The following VCP variants were observed in gnomAD, a reference collection of about 807,000 sequenced individuals.
The protein encoded by VCP is transitional endoplasmic reticulum ATPase.
Under a neutral mutation model 85.7 loss-of-function variants are expected in VCP, and 6 were observed. The ratio of observed to expected loss-of-function variants is 0.07; its 90% CI spans 0.04 to 0.14. The LOEUF (loss-of-function observed/expected upper bound fraction) is 0.14. Among genes scored for constraint, VCP ranks in the 10% least tolerant of loss-of-function variants. VCP has a pLI of 1.00. For missense variants in VCP, 353 were observed against 1,043.4 expected (o/e 0.34, Z 9.12); for synonymous variants, 384 against 367.1 (o/e 1.05, Z -0.53).
chr9:35,062,369 G>C lies in VCP; in HGVS notation c.812-19C>G, dbSNP rs1181963805. Reference sequence around the variant, plus strand: ...TCAGGACCTGAAAGGATACAGAATGGAGACAATAACAAAATGATAGTCTTT... The same window carrying C: ...TCAGGACCTGAAAGGATACAGAATGCAGACAATAACAAAATGATAGTCTTT... On this transcript the variant is annotated intron_variant, in intron 7 of 16. Transcript: ENST00000358901. 4 of 1,613,914 alleles carry C rather than the reference G, an allele frequency of 2.5e-6. No individual in the cohort carries two copies. The highest frequency in any genetic ancestry group is 3.4e-6 in the Non-Finnish European group (4 of 1,180,040).
intron 15 of VCP, 30 bp from the exon 16 acceptor site, chr9:35,057,560 C>T (rs1828635451): frequency 6.2e-7 from 1 of 1,603,174 alleles, no homozygotes; most frequent in African/African-American, 1.3e-5. Context: ...ATCACTAGGG[C>T]TAGTTAAAGC....
rs754268174 is a variant in VCP at position 35,059,501 on chromosome 9, C to T, written c.1996G>A (p.Val666Ile). 1.5e-5 allele frequency: 25 copies of T among 1,613,898 alleles called. No homozygotes were observed. The highest frequency in any genetic ancestry group is 1.4e-5 in the Non-Finnish European group (16 of 1,180,048). The change falls in exon 14 of 17, where the codon GTT becomes ATT. Residue 666 changes from valine (V) to isoleucine (I), a missense_variant. Val to Ile is a conservative substitution (Grantham distance 29). Coordinates refer to ENST00000358901, the MANE Select transcript of VCP (RefSeq NM_007126.5). The surrounding 1 kb of genome is among the most constrained non-coding windows in gnomAD (Gnocchi z 4.9). ...CATGATCTTGCACCTGCCTTGGCAA[C>T]TGGGGACTTGCGCAGGTTAGCCTTG... ...ILKANLRKSP[V>I]AKDVDLEFLA...
In VCP at chr9:35,068,354, C is replaced by G; in HGVS notation, c.26G>C (p.Gly9Ala). The G allele has an allele frequency of 6.2e-7, 1 of 1,614,114 alleles. No homozygotes were observed. Among genetic ancestry groups the G allele is most frequent in the Non-Finnish European group, 8.5e-7 (1 of 1,180,010 alleles). Residue 9 changes from glycine to alanine, a missense_variant, in exon 2 of 17, where the codon GGT (glycine) becomes GCT (alanine). Transcript: ENST00000358901. ...GAGAATGGCTGTTGATAGGTCATCA[C>G]CTTTTGAACTAGAAGGAGGAAATGG... MASGADSK[G>A]DDLSTAILKQ...
chr9:35,071,775 G>A (rs900264216), intron 1 of VCP: 2 of 988,100 alleles, frequency 2.0e-6, no homozygotes, highest in Middle Eastern at 5.1e-4. Context: ...CCGCCGACCC[G>A]GCTCCAAAAA....
At chr9:35,072,026 C>T (rs1828961028) in intron 1 of VCP, 1 of 1,172,738 alleles carries the variant, frequency 8.5e-7, no homozygotes, top group African/African-American at 1.6e-5. Flanking sequence ...GGCCGGAAGA[C>T]CTGGCCAGGC....
intron 5 of VCP, among the ~76,000 whole-genome samples, chr9:35,064,486 G>A (rs1828789663): frequency 6.6e-6 from 1 of 152,056 alleles, no homozygotes; most frequent in Admixed American, 6.6e-5. Context: ...AGGAGTTCCT[G>A]GGCAATACAG....
At chr9:35,072,280 G>T in intron 1 of VCP, 57 bp downstream of exon 1, 1 of 1,485,622 alleles carries the variant, frequency 6.7e-7, no homozygotes, top group South Asian at 1.3e-5. Context: ...GGCCTACCCT[G>T]CGCGGCTGGT....
rs556180123 is a variant in VCP at position 35,065,770 on chromosome 9, C to G, written c.446-389G>C. On this transcript the variant is annotated intron_variant, in intron 4 of 16. Coordinates refer to ENST00000358901, the MANE Select transcript of VCP (RefSeq NM_007126.5). ...ATAAAGATAGCTTACTCTCCTGGAA[C>G]AGAGAAGGGGAGAGATGGAGCAAAG... Among the ~76,000 whole-genome samples, 4 of 152,086 alleles carry G rather than the reference C, an allele frequency of 2.6e-5. No homozygotes were observed. The East Asian group carries it at 7.7e-4, about 29-fold the overall frequency.
At chr9:35,068,509 G>A (rs1162452268) in intron 1 of VCP, 147 bp from the exon 2 acceptor site, 13 of 764,842 alleles carry the variant, frequency 1.7e-5, no homozygotes, top group Non-Finnish European at 2.6e-5. Flanking sequence ...CCAAGGTCAC[G>A]AGGAGCAGTA....
rs1828686180 is a variant in VCP at position 35,059,853 on chromosome 9, G to A, written c.1696-52C>T. 3 of 1,611,696 alleles carry A rather than the reference G, an allele frequency of 1.9e-6. No individual in the cohort carries two copies. The Admixed American group carries it at 5.0e-5, about 27-fold the overall frequency. On this transcript the variant is annotated intron_variant, in intron 13 of 16. Transcript: ENST00000358901. The surrounding 1 kb of genome is among the most constrained non-coding windows in gnomAD (Gnocchi z 4.9). ...CACTAACAAAACTAGATGTCTCTAG[G>A]CAAACGTGGTGGCTCACACCTGTAT...
Position 35,068,034 on chromosome 9 carries a change from T to C in VCP, c.159A>G (p.Arg53=). ...QPKMDELQLF[R]GDTVLLKGKK... Reference sequence around the variant, plus strand: ...TTCCTTTCAGCAACACTGTGTCACCTCGGAACAACTGCAATTCATCCATCT... The same window carrying C: ...TTCCTTTCAGCAACACTGTGTCACCCCGGAACAACTGCAATTCATCCATCT... Residue 53 remains arginine, a synonymous_variant, in exon 3 of 17, where the codon CGA becomes CGG. Coordinates refer to ENST00000358901, the MANE Select transcript of VCP (RefSeq NM_007126.5). The C allele has an allele frequency of 6.2e-7, 1 of 1,614,194 alleles. No homozygotes were observed. Among genetic ancestry groups the C allele is most frequent in the Non-Finnish European group, 8.5e-7 (1 of 1,180,046 alleles).
chr9:35,060,706 A>C (rs1828704654), intron 12 of VCP, 95 bp downstream of exon 12: 11 of 1,608,256 alleles, frequency 6.8e-6, no homozygotes, highest in Non-Finnish European at 8.5e-6. Flanking sequence ...TCGTGCTCTC[A>C]CAACTCTTGC....
chr9:35,061,250 A>T, intron 10 of VCP, 71 bp from the exon 11 acceptor site: 1 of 1,599,198 alleles, frequency 6.3e-7, no homozygotes, highest in Non-Finnish European at 8.5e-7. Flanking sequence ...GAGACAATAG[A>T]ATCCTTCCCC....
At chr9:35,062,456 G>A (rs1828745140) in intron 7 of VCP, 106 bp from the exon 8 acceptor site, 20 of 1,560,820 alleles carry the variant, frequency 1.3e-5, no homozygotes, top group Non-Finnish European at 1.7e-5. Context: ...TCCTGGGTGA[G>A]AAGGTGGTAA....
Position 35,057,844 on chromosome 9 carries a change from T to C in VCP, c.2161-314A>G, listed in dbSNP as rs556476930. The stretch of plus-strand genomic sequence containing the variant: ...TAAGTCTCAACTGTGGTAGTAGTTA[T>C]AGAACTTACACACACTTGTCATAAA... On this transcript the variant is annotated intron_variant, in intron 15 of 16. Transcript: ENST00000358901. The C allele has an allele frequency of 2.7e-5, 12 of 438,316 alleles. No individual in the cohort carries two copies. The East Asian group carries it at 3.4e-4, about 12-fold the overall frequency. 27.2% of individuals were successfully genotyped at this position (438,316 alleles called of 1,614,324 possible). A position where few individuals can be genotyped will look rare whatever the true frequency, so the allele number is the denominator to read the frequency against.
intron 1 of VCP, 61 bp downstream of exon 1, chr9:35,072,276 C>G (rs1828972107): frequency 2.7e-6 from 4 of 1,485,150 alleles, no homozygotes; most frequent in Non-Finnish European, 3.6e-6. Context: ...GCCGGGCCTA[C>G]CCTGCGCGGC....
intron 1 of VCP, among the ~76,000 whole-genome samples, chr9:35,070,546 GT>G (rs1828919798): frequency 6.6e-6 from 1 of 152,162 alleles, no homozygotes; most frequent in Non-Finnish European, 1.5e-5. Context: ...TGATTCTCCT[GT>G]CTCAGCCTCC....
At chr9:35,060,971 C>G in intron 11 of VCP, 44 bp downstream of exon 11, 1 of 1,614,172 alleles carries the variant, frequency 6.2e-7, no homozygotes, top group African/African-American at 1.3e-5. Context: ...AGGGAGGGGT[C>G]AAAGCACGTA....
chr9:35,057,668 T>A (rs558683133), intron 15 of VCP, 138 bp from the exon 16 acceptor site: 1 of 1,162,876 alleles, frequency 8.6e-7, no homozygotes, highest in Admixed American at 1.7e-5. Context: ...CCATGCTTCC[T>A]AAAATTGAGT....
Sources: gnomAD v4.1 joint callset for allele counts (sites outside exome capture counted in the v4.1 genomes callset) on GRCh38, gnomAD v4.1.1 for gene constraint, Gnocchi (gnomAD v3.1) non-coding constraint, MANE v1.5 for transcripts, NCBI Gene and HGNC (gene_info 2026-07-23, HGNC 2026-07-21) for gene names.